ABCA12: variants seen among roughly 807,000 people sequenced by gnomAD.
ABCA12 encodes the protein glucosylceramide transporter ABCA12.
Under a neutral mutation model 293.5 loss-of-function variants are expected in ABCA12, and 156 were observed. The ratio of observed to expected loss-of-function variants is 0.53; its 90% confidence interval spans 0.47 to 0.61. The LOEUF is 0.61. Ranked by LOEUF, ABCA12 falls within the 20% of genes least tolerant of loss-of-function variation. ABCA12 has a pLI of 0.00. For synonymous variants in ABCA12, 1,063 were observed against 1,108.0 expected (o/e 0.96, Z 0.81); for missense variants, 2,797 against 3,090.2 (o/e 0.91, Z 2.25).
chr2:215,011,324 T>C, intron 17 of ABCA12, 115 bp downstream of exon 17: 4 of 819,078 alleles, frequency 4.9e-6, no homozygotes, highest in Middle Eastern at 3.6e-4. Flanking sequence ...TTATTTTCTA[T>C]TTTTATTCTT....
intron 2 of ABCA12, among the ~76,000 whole-genome samples, chr2:215,069,016 G>A (rs1051131047): frequency 3.9e-5 from 6 of 152,080 alleles, no homozygotes; most frequent in African/African-American, 1.4e-4. Context: ...GGTGACATTT[G>A]TACACATTAT....
At chr2:215,008,829 T>C (rs1700309225) in intron 18 of ABCA12, among the ~76,000 whole-genome samples, 2 of 152,108 alleles carry the variant, frequency 1.3e-5, no homozygotes, top group Admixed American at 6.5e-5. Context: ...TAAGCTCATA[T>C]GCTGCTGAGG....
chr2:215,017,200 G>T (rs2106010184), intron 14 of ABCA12, among the ~76,000 whole-genome samples: 1 of 152,272 alleles, frequency 6.6e-6, no homozygotes, highest in South Asian at 2.1e-4. Context: ...AAATAACTGG[G>T]CTGTGCTTAG....
chr2:214,988,011 T>G (rs1423890795), intron 26 of ABCA12, among the ~76,000 whole-genome samples: 1 of 152,200 alleles, frequency 6.6e-6, no homozygotes, highest in Non-Finnish European at 1.5e-5. Context: ...TTACTAAAAC[T>G]TATCTAACTG....
intron 45 of ABCA12, among the ~76,000 whole-genome samples, 200 bp from the exon 46 acceptor site, chr2:214,949,349 A>T (rs1296081044): frequency 1.3e-5 from 2 of 148,508 alleles, no homozygotes; most frequent in Admixed American, 1.3e-4. Flanking sequence ...TTTTCCTTTA[A>T]CCATCTGAAT....
chr2:215,010,184 A>G (rs1184056793), intron 18 of ABCA12, 147 bp downstream of exon 18: 5 of 1,058,226 alleles, frequency 4.7e-6, no homozygotes, highest in Non-Finnish European at 5.5e-6. Flanking sequence ...GAAGTTGAGA[A>G]TTTTACTAAT....
At chr2:215,081,144 A>G (rs1003697533) in intron 2 of ABCA12, among the ~76,000 whole-genome samples, 4 of 152,144 alleles carry the variant, frequency 2.6e-5, no homozygotes, top group Admixed American at 6.5e-5. Context: ...GTTTATGTCA[A>G]TTGACTCTCT....
In ABCA12 at chr2:214,949,074, A is replaced by G; in HGVS notation, c.6928T>C (p.Ser2310Pro). 6.2e-7 allele frequency: 1 copy of G among 1,613,862 alleles called. No homozygotes were observed. The highest frequency in any genetic ancestry group is 1.3e-5 in the African/African-American group (1 of 75,002). Residue 2310 changes from serine to proline, a missense_variant, in exon 46 of 53, where the codon TCA becomes CCA. This residue lies in a region of ABCA12 where 2,130 missense variants were observed against 2,427.0 expected (regional missense o/e 0.88). Transcript: ENST00000272895. ...FKMLTGDIIPSSGNILIRNKT... is the reference protein window; with the variant it reads ...FKMLTGDIIPPSGNILIRNKT... ...TTTCTGATCAGAATGTTTCCACTTGAAGGAATGATGTCTCCTGTCAGCATC... is the reference window on the plus strand; with the variant it reads ...TTTCTGATCAGAATGTTTCCACTTGGAGGAATGATGTCTCCTGTCAGCATC...
intron 39 of ABCA12, among the ~76,000 whole-genome samples, chr2:214,961,413 G>A (rs1466853242): frequency 6.6e-6 from 1 of 152,010 alleles, no homozygotes; most frequent in Non-Finnish European, 1.5e-5. Flanking sequence ...AATGTTAGGA[G>A]CTACAACAAG....
chr2:215,131,225 G>A (rs1703047552), intron 1 of ABCA12, among the ~76,000 whole-genome samples: 1 of 151,794 alleles, frequency 6.6e-6, no homozygotes, highest in Non-Finnish European at 1.5e-5. Context: ...ATTTTGATAA[G>A]CATGGTGATG....
chr2:215,116,843 T>G (rs1484193458), intron 1 of ABCA12, among the ~76,000 whole-genome samples: 1 of 152,110 alleles, frequency 6.6e-6, no homozygotes, highest in African/African-American at 2.4e-5. Context: ...ACAAGACAAT[T>G]GGTCATGAAG....
intron 4 of ABCA12, among the ~76,000 whole-genome samples, chr2:215,053,861 G>A (rs181919806): frequency 3.9e-4 from 59 of 152,106 alleles, no homozygotes; most frequent in African/African-American, 1.2e-3. Flanking sequence ...TTAGCCAGTC[G>A]TGCTGTTTCG....
chr2:215,128,920 G>C (rs6705220), intron 1 of ABCA12, among the ~76,000 whole-genome samples: 7,258 of 152,122 alleles, frequency 0.048, 572 homozygotes, highest in African/African-American at 0.17. Flanking sequence ...TTCTCATTTG[G>C]GTAGGCTCTG....
chr2:214,952,956 T>G (rs982205664), intron 44 of ABCA12, among the ~76,000 whole-genome samples: 17 of 152,214 alleles, frequency 1.1e-4, no homozygotes, highest in African/African-American at 4.1e-4. Flanking sequence ...CATGTACATG[T>G]CATTAAAATT....
intron 19 of ABCA12, among the ~76,000 whole-genome samples, chr2:215,004,597 C>A (rs930341145): frequency 5.3e-5 from 8 of 152,140 alleles, no homozygotes; most frequent in African/African-American, 1.9e-4. Flanking sequence ...AGGATTTTTC[C>A]TCATGGCTAT....
intron 7 of ABCA12, 75 bp from the exon 8 acceptor site, chr2:215,037,140 G>A (rs1701011445): frequency 2.7e-6 from 3 of 1,097,026 alleles, no homozygotes; most frequent in South Asian, 2.6e-5. Context: ...TATTCAAGGA[G>A]AAAATGGCTA....
rs368602071 is a variant in ABCA12 at position 214,949,377 on chromosome 2, T to TAC, written c.6853-230_6853-229dup. Among the ~76,000 whole-genome samples the TAC allele has an allele frequency of 9.9e-3, 1,417 of 143,116 alleles. 19 individuals are homozygous for TAC. Among genetic ancestry groups the TAC allele is most frequent in the African/African-American group, 0.026 (972 of 37,534 alleles). 93.9% of individuals were successfully genotyped at this position (143,116 alleles called of 152,430 possible). A position where few individuals can be genotyped will look rare whatever the true frequency, so the allele number is the denominator to read the frequency against. On this transcript the variant is annotated intron_variant, in intron 45 of 52. Transcript: ENST00000272895. ...ATCTGAATATATATATATATATATA[T>TAC]ACACACACACACACACACACACACA... is the stretch of plus-strand genomic sequence containing the variant.
chr2:214,989,220 T>TA (rs1699860345), intron 26 of ABCA12, 109 bp downstream of exon 26: 2 of 111,894 alleles, frequency 1.8e-5, no homozygotes, highest in East Asian at 3.9e-4. Context: ...AATATTTTTA[T>TA]TTTTTAATTT....
chr2:215,096,907 T>C (rs1200329690), intron 2 of ABCA12, among the ~76,000 whole-genome samples: 2 of 152,158 alleles, frequency 1.3e-5, no homozygotes, highest in African/African-American at 4.8e-5. Flanking sequence ...CAAACTCATT[T>C]CCCAGTAGAA....
Sources: allele counts gnomAD v4.1 joint callset (sites outside exome capture counted in the v4.1 genomes callset), GRCh38; gene constraint gnomAD v4.1.1; regional missense constraint gnomAD v4.1.1; transcripts MANE v1.5; gene names NCBI Gene and HGNC (gene_info 2026-07-23, HGNC 2026-07-21).